ACOX3: variants seen among roughly 807,000 people sequenced by gnomAD.
ACOX3 encodes the protein peroxisomal acyl-coenzyme A oxidase 3.
In ACOX3, 73 loss-of-function variants were observed where a neutral mutation model predicts 81.5. The ratio of observed to expected loss-of-function variants is 0.90; its 90% CI spans 0.74 to 1.09. The LOEUF (loss-of-function observed/expected upper bound fraction) is 1.09, where lower values mean the gene tolerates loss of function less well. ACOX3 is among the 50% of genes least tolerant of loss of function. ACOX3 has a pLI of 0.00. For missense variants in ACOX3, 947 were observed against 928.0 expected (o/e 1.02, Z -0.27); for synonymous variants, 387 against 375.1 (o/e 1.03, Z -0.37).
At chr4:8,397,722 G>C (rs1314545145) in intron 8 of ACOX3, among the ~76,000 whole-genome samples, 1 of 152,234 alleles carries the variant, frequency 6.6e-6, no homozygotes, top group Non-Finnish European at 1.5e-5. Flanking sequence ...CACGTGATCT[G>C]ACCGTCCTTC....
Position 8,394,655 on chromosome 4 carries a change from G to A in ACOX3, c.1144C>T (p.Arg382Ter), listed in dbSNP as rs142042116. Residue 382 changes from arginine to a stop codon, truncating the protein, a stop_gained, in exon 10 of 18, where the codon CGA becomes TGA. Transcript: ENST00000356406. LOFTEE classifies it high-confidence loss of function. This position sits in a 1 kb window ranked among gnomAD's most constrained non-coding sequence, Gnocchi z 5.9. ...CTGCGGTCTCCCGATGCAAGTCCTC[G>A]CTGGAGCTCCACCAGGTCCAGGAAG... is the stretch of plus-strand genomic sequence containing the variant. Reference protein sequence around the residue: ...SLFLDLVELQRGLASGDRSAR... With the variant: ...SLFLDLVELQ 10 of 1,613,848 alleles carry A rather than the reference G, an allele frequency of 6.2e-6. No homozygotes were observed. The highest frequency in any genetic ancestry group is 2.2e-5 in the East Asian group (1 of 44,884).
At chr4:8,393,965 C>T (rs896745396) in intron 10 of ACOX3, among the ~76,000 whole-genome samples, 2 of 152,136 alleles carry the variant, frequency 1.3e-5, no homozygotes, top group East Asian at 1.9e-4. Flanking sequence ...CATCATCTGC[C>T]GTGAATGTGG....
chr4:8,375,464 G>A (rs559226220), intron 14 of ACOX3, among the ~76,000 whole-genome samples: 17 of 152,208 alleles, frequency 1.1e-4, no homozygotes, highest in Non-Finnish European at 1.0e-4. Context: ...GCCTGGAGCC[G>A]GCCTCGGGAT....
intron 16 of ACOX3, among the ~76,000 whole-genome samples, chr4:8,372,604 G>A (rs73085876): frequency 0.051 from 7,816 of 152,222 alleles, 392 homozygotes; most frequent in African/African-American, 0.14. Context: ...GGCCACATAC[G>A]TGCGCCACAA....
At chr4:8,360,574 C>T in the ACOX3 span, among the ~76,000 whole-genome samples, 3 of 151,862 alleles carry the variant, frequency 2.0e-5, no homozygotes, top group Admixed American at 6.6e-5. Flanking sequence ...TGGGTTCATG[C>T]CATTCTCCTG....
rs1718392916 is a variant in ACOX3 at position 8,386,983 on chromosome 4, G to A, written c.1537+2190C>T. On this transcript the variant is annotated intron_variant, in intron 13 of 17. Transcript: ENST00000356406. The surrounding 1 kb of genome is among the most constrained non-coding windows in gnomAD (Gnocchi z 5.2). ...CCTGTCCCCTGCATGAGGGAGGCCA[G>A]TGCTCCCTCCTCCCGAGGATCCAGG... Among the ~76,000 whole-genome samples the A allele has an allele frequency of 6.6e-6, 1 of 152,384 alleles. No individual in the cohort carries two copies. The highest frequency in any genetic ancestry group is 2.1e-4 in the South Asian group (1 of 4,832).
chr4:8,389,410 C>T lies in ACOX3; in HGVS notation c.1424-124G>A, dbSNP rs555256838. ...GACCCGACGGCCACAGACCCACAGG[C>T]GAGGGTCTGGGTCTCAAGGACCCTC... On this transcript the variant is annotated intron_variant, in intron 12 of 17. Transcript: ENST00000356406. This position sits in a 1 kb window ranked among gnomAD's most constrained non-coding sequence, Gnocchi z 5.3. The T allele has an allele frequency of 1.2e-3, 1,555 of 1,251,274 alleles. 3 individuals carry two copies. The highest frequency in any genetic ancestry group is 1.6e-3 in the Non-Finnish European group (1,432 of 899,812). 77.5% of individuals were successfully genotyped at this position (1,251,274 alleles called of 1,614,324 possible). A position where few individuals can be genotyped will look rare whatever the true frequency, so the allele number is the denominator to read the frequency against.
In ACOX3 at chr4:8,389,366, G is replaced by C; in HGVS notation, c.1424-80C>G. On this transcript the variant is annotated intron_variant, in intron 12 of 17. Coordinates refer to ENST00000356406, the MANE Select transcript of ACOX3 (RefSeq NM_003501.3). The surrounding 1 kb of genome is among the most constrained non-coding windows in gnomAD (Gnocchi z 5.3). ...AACCCCAAGCTGGGGGCACCCCAAA[G>C]CACAGAGAGTGTCCAGAGGACCCGA... 2 of 1,437,638 alleles carry C rather than the reference G, an allele frequency of 1.4e-6. No individual in the cohort carries two copies. Among genetic ancestry groups the C allele is most frequent in the Non-Finnish European group, 1.9e-6 (2 of 1,046,724 alleles). 89.1% of individuals were successfully genotyped at this position (1,437,638 alleles called of 1,614,324 possible).
Position 8,370,488 on chromosome 4 carries a change from G to A in ACOX3, c.1983+420C>T, listed in dbSNP as rs1306766185. ...CCGGTGACAACCATGGATGGTCAGA[G>A]GGGACAGAGGGGCCTGGGGATTCCA... On this transcript the variant is annotated intron_variant, in intron 17 of 17. Transcript: ENST00000356406. This position sits in a 1 kb window ranked among gnomAD's most constrained non-coding sequence, Gnocchi z 6.3. Among the ~76,000 whole-genome samples, 2 of 151,880 alleles carry A rather than the reference G, an allele frequency of 1.3e-5. No homozygotes were observed. The highest frequency in any genetic ancestry group is 2.9e-5 in the Non-Finnish European group (2 of 67,960).
intron 1 of ACOX3, among the ~76,000 whole-genome samples, chr4:8,436,964 C>A (rs1724277889): frequency 7.0e-6 from 1 of 142,254 alleles, no homozygotes; most frequent in Admixed American, 7.2e-5. Flanking sequence ...TGCACTCCAG[C>A]CTTGGCAACA....
At position 8,382,852 on chromosome 4, in the gene ACOX3, C is replaced by T. The variant is rs957817709; in HGVS notation, c.1538-1245G>A. Among the ~76,000 whole-genome samples the T allele has an allele frequency of 1.4e-4, 21 of 151,994 alleles. No individual in the cohort carries two copies. Among genetic ancestry groups the T allele is most frequent in the Non-Finnish European group, 1.8e-4 (12 of 67,990 alleles). ...CTAAAAATACAAAAAATTAGCCGGG[C>T]GCAGTGGCAGGCGCCTGTAGTCCCA... On this transcript the variant is annotated intron_variant, in intron 13 of 17. Transcript: ENST00000356406. This position sits in a 1 kb window ranked among gnomAD's most constrained non-coding sequence, Gnocchi z 4.1.
At chr4:8,364,105 G>A (rs58304442), downstream of ACOX3, among the ~76,000 whole-genome samples, 37,223 of 151,978 alleles carry the variant, frequency 0.24, 5,170 homozygotes, top group East Asian at 0.5. This position sits in a 1 kb window ranked among gnomAD's most constrained non-coding sequence, Gnocchi z 5.0. Context: ...TCCAGATGGG[G>A]TCCCTTTTCC....
Position 8,414,996 on chromosome 4 carries a change from C to T in ACOX3, c.379-68G>A. ...AGAGTACTGCTCTTCCGGAACATCA[C>T]AACAGACAACGGCACTCAACACCAT... On this transcript the variant is annotated intron_variant, in intron 3 of 17. Transcript: ENST00000356406. The surrounding 1 kb of genome is among the most constrained non-coding windows in gnomAD (Gnocchi z 6.1). The T allele has an allele frequency of 7.1e-7, 1 of 1,416,012 alleles. No individual in the cohort carries two copies. Among genetic ancestry groups the T allele is most frequent in the East Asian group, 2.3e-5 (1 of 43,826 alleles). The allele number at this position is 1,416,012 out of a possible 1,614,324, so 87.7% of individuals were successfully genotyped here. A position where few individuals can be genotyped will look rare whatever the true frequency, so the allele number is the denominator to read the frequency against.
At chr4:8,413,849 C>T (rs1022976143) in intron 5 of ACOX3, among the ~76,000 whole-genome samples, 1 of 152,174 alleles carries the variant, frequency 6.6e-6, no homozygotes, top group Admixed American at 6.5e-5. Context: ...ACTGCGGTGG[C>T]GGAAATGGAC....
At chr4:8,383,112 C>G (rs967968484) in intron 13 of ACOX3, among the ~76,000 whole-genome samples, 8 of 152,204 alleles carry the variant, frequency 5.3e-5, no homozygotes, top group African/African-American at 1.9e-4. Flanking sequence ...CCGTCACAAA[C>G]CAGAGCAGGC....
chr4:8,395,637 T>G (rs914264448), intron 9 of ACOX3, among the ~76,000 whole-genome samples: 1 of 152,218 alleles, frequency 6.6e-6, no homozygotes, highest in South Asian at 2.1e-4. Flanking sequence ...GGACCTTGCC[T>G]GGGGGCACAC....
Position 8,397,167 on chromosome 4 carries a change from C to T in ACOX3, c.874-48G>A, listed in dbSNP as rs911975679. The T allele has an allele frequency of 2.0e-6, 3 of 1,486,624 alleles. No individual in the cohort carries two copies. In the East Asian group the frequency reaches 7.4e-5, roughly 37 times the overall value. 92.1% of individuals were successfully genotyped at this position (1,486,624 alleles called of 1,614,324 possible). ...AAGCTCAAGCCCGGCTGCGCGGCCACCTTGGGCAGAGTGGCTCAGAGGCGA... is the reference window on the plus strand; with the variant it reads ...AAGCTCAAGCCCGGCTGCGCGGCCATCTTGGGCAGAGTGGCTCAGAGGCGA... On this transcript the variant is annotated intron_variant, in intron 8 of 17. Coordinates refer to ENST00000356406, the MANE Select transcript of ACOX3 (RefSeq NM_003501.3).
In ACOX3 at chr4:8,381,410, G is replaced by T. The variant is rs1717630402; in HGVS notation, c.1653+82C>A. The T allele has an allele frequency of 1.5e-6, 2 of 1,303,892 alleles. No homozygotes were observed. The allele number at this position is 1,303,892 out of a possible 1,614,324, so 80.8% of individuals were successfully genotyped here. On this transcript the variant is annotated intron_variant, in intron 14 of 17. Transcript: ENST00000356406. The surrounding 1 kb of genome is among the most constrained non-coding windows in gnomAD (Gnocchi z 4.3). Reference sequence around the variant, plus strand: ...CGGGGTCTGGGGCCTGAATTGCCAGGATGTTCAAACTCCCAGGGACACAAC... The same window carrying T: ...CGGGGTCTGGGGCCTGAATTGCCAGTATGTTCAAACTCCCAGGGACACAAC...
rs374314740 is a variant in ACOX3, at chr4:8,381,739, T to C, written c.1538-132A>G. On this transcript the variant is annotated intron_variant, in intron 13 of 17. Coordinates refer to ENST00000356406, the MANE Select transcript of ACOX3 (RefSeq NM_003501.3). This position sits in a 1 kb window ranked among gnomAD's most constrained non-coding sequence, Gnocchi z 4.3. Reference sequence around the variant, plus strand: ...TTGTCTTCATTGACAACCAAGTGTATGGGGTGGGTCTGATTTTATAGGTAG... The same window carrying C: ...TTGTCTTCATTGACAACCAAGTGTACGGGGTGGGTCTGATTTTATAGGTAG... 822 of 672,822 alleles carry C rather than the reference T, an allele frequency of 1.2e-3. 10 individuals carry two copies. In the South Asian group the frequency reaches 0.014, roughly 11 times the overall value. 41.7% of individuals were successfully genotyped at this position (672,822 alleles called of 1,614,324 possible).
Sources: gnomAD v4.1 joint callset for allele counts (sites outside exome capture counted in the v4.1 genomes callset) on GRCh38, gnomAD v4.1.1 for gene constraint, Gnocchi (gnomAD v3.1) non-coding constraint, MANE v1.5 for transcripts, NCBI Gene and HGNC (gene_info 2026-07-23, HGNC 2026-07-21) for gene names.